Variants in UXS1 observed in about 807,000 individuals in gnomAD.
UXS1 encodes UDP-glucuronic acid decarboxylase 1.
Under a neutral mutation model 62.6 loss-of-function variants are expected in UXS1, and 33 were observed. The observed-to-expected ratio is 0.53, with a 90% confidence interval of 0.40 to 0.70. The LOEUF (loss-of-function observed/expected upper bound fraction) is 0.70. Among genes scored for constraint, UXS1 ranks in the 30% least tolerant of loss-of-function variants. The probability of loss-of-function intolerance (pLI) is 0.00; values close to 1 mark genes in which losing one functional copy is unlikely to be tolerated. For missense variants in UXS1, 434 were observed against 556.3 expected, an observed-to-expected ratio of 0.78 and a Z score of 2.21; for synonymous variants, 213 against 206.8, an observed-to-expected ratio of 1.03 and a Z score of -0.26.
intron 9 of UXS1, among the ~76,000 whole-genome samples, chr2:106,121,120 C>T (rs1308280275): frequency 6.6e-6 from 1 of 152,182 alleles, no homozygotes; most frequent in African/African-American, 2.4e-5. Flanking sequence ...GTGTGAAATG[C>T]AGATCCTGGC....
intron 11 of UXS1, chr2:106,102,366 G>A (rs1677665131): frequency 6.6e-6 from 1 of 152,102 alleles, no homozygotes; most frequent in South Asian, 2.1e-4. Context: ...CTGGGGGGTG[G>A]GGTTTATCTG....
intron 5 of UXS1, among the ~76,000 whole-genome samples, chr2:106,153,112 A>C (rs1682164102): frequency 6.6e-6 from 1 of 152,222 alleles, no homozygotes; most frequent in African/African-American, 2.4e-5. Context: ...TAGATCTATG[A>C]GAATAAAAAG....
intron 9 of UXS1, among the ~76,000 whole-genome samples, chr2:106,116,125 G>GGTC (rs1188230643): frequency 6.6e-6 from 1 of 152,200 alleles, no homozygotes; most frequent in Non-Finnish European, 1.5e-5. Flanking sequence ...ACAGGCAAGA[G>GGTC]GTGACCCAAG....
At chr2:106,114,291 T>A (rs1214655817) in intron 9 of UXS1, among the ~76,000 whole-genome samples, 2 of 152,212 alleles carry the variant, frequency 1.3e-5, no homozygotes, top group African/African-American at 4.8e-5. Context: ...TTCCTAGTAA[T>A]ACACTGTAAT....
chr2:106,144,211 T>C (rs974704580), intron 6 of UXS1, among the ~76,000 whole-genome samples: 3 of 152,222 alleles, frequency 2.0e-5, no homozygotes, highest in South Asian at 2.1e-4. Flanking sequence ...TAGCCTGTTA[T>C]ACTTTACAAA....
At chr2:106,112,816 C>A in intron 9 of UXS1, 51 bp from the exon 10 acceptor site, 2 of 1,579,374 alleles carry the variant, frequency 1.3e-6, no homozygotes, top group Non-Finnish European at 8.6e-7. Context: ...GTGGTCCACG[C>A]ATCCACTTTG....
intron 1 of UXS1, among the ~76,000 whole-genome samples, chr2:106,182,459 C>CCT (rs1684306157): frequency 6.6e-6 from 1 of 152,198 alleles, no homozygotes; most frequent in Non-Finnish European, 1.5e-5. Context: ...CATTGAGCAC[C>CCT]TTGTTTTCTC....
At chr2:106,162,445 T>C (rs373409744) in intron 4 of UXS1, among the ~76,000 whole-genome samples, 1 of 152,238 alleles carries the variant, frequency 6.6e-6, no homozygotes, top group East Asian at 1.9e-4. Flanking sequence ...AAATAAATTC[T>C]ATTGTCTAAA....
At chr2:106,169,551 G>T (rs1683412228) in intron 1 of UXS1, among the ~76,000 whole-genome samples, 1 of 152,158 alleles carries the variant, frequency 6.6e-6, no homozygotes, top group Admixed American at 6.5e-5. Context: ...GCCAGGGGTG[G>T]TGGCCTGTGC....
intron 1 of UXS1, among the ~76,000 whole-genome samples, chr2:106,172,620 G>A (rs1396146441): frequency 1.3e-5 from 2 of 151,832 alleles, no homozygotes; most frequent in Non-Finnish European, 2.9e-5. Flanking sequence ...CATCTCAACC[G>A]ATAAAATCTA....
intron 10 of UXS1, among the ~76,000 whole-genome samples, chr2:106,108,842 G>A (rs764807218): frequency 6.6e-6 from 1 of 152,122 alleles, no homozygotes; most frequent in African/African-American, 2.4e-5. Context: ...GCCAAACTTC[G>A]TTCAGCCTCG....
At chr2:106,138,243 T>C (rs989731429) in intron 6 of UXS1, 21 of 985,416 alleles carry the variant, frequency 2.1e-5, no homozygotes, top group African/African-American at 5.2e-5. Context: ...GACGTCAGTC[T>C]GTATGGGAAA....
In UXS1 at chr2:106,146,648, C is replaced by T. The variant is rs140512196; in HGVS notation, c.292-1278G>A. ...ACAAAAAATTAGCTGGGCGTGGTGG[C>T]ACACTCCTGTAATCCCAGCTAGTTG... On this transcript the variant is annotated intron_variant, in intron 5 of 14. Transcript: ENST00000283148. Among the ~76,000 whole-genome samples the T allele has an allele frequency of 3.9e-3, 597 of 151,722 alleles. 4 individuals carry two copies. The highest frequency in any genetic ancestry group is 0.013 in the African/African-American group (551 of 41,352).
intron 1 of UXS1, among the ~76,000 whole-genome samples, chr2:106,189,351 A>G (rs1222074121): frequency 2.0e-5 from 3 of 152,234 alleles, no homozygotes; most frequent in Non-Finnish European, 4.4e-5. Flanking sequence ...AGAGGCCTAC[A>G]ACAACCAAGA....
intron 1 of UXS1, among the ~76,000 whole-genome samples, chr2:106,184,890 G>A (rs1027092493): frequency 6.6e-6 from 1 of 152,120 alleles, no homozygotes; most frequent in African/African-American, 2.4e-5. Context: ...ACACCACAAA[G>A]CACATTTCAG....
chr2:106,180,660 A>G (rs1684185364), intron 1 of UXS1, among the ~76,000 whole-genome samples: 1 of 152,226 alleles, frequency 6.6e-6, no homozygotes, highest in African/African-American at 2.4e-5. Flanking sequence ...CAGCGTCACC[A>G]TTTAACAAGC....
chr2:106,093,541 A>G lies in UXS1; in HGVS notation c.*485T>C, dbSNP rs1007885047. On this transcript the variant is annotated 3_prime_UTR_variant, in exon 15 of 15. Transcript: ENST00000283148. Reference sequence around the variant, plus strand: ...AAAGAGAAACATAAAGCTCTCACACAGAATTCTTTTATCTGCCCTAAAATC... The same window carrying G: ...AAAGAGAAACATAAAGCTCTCACACGGAATTCTTTTATCTGCCCTAAAATC... 3.9e-5 allele frequency: 6 copies of G among 152,882 alleles called. No homozygotes were observed. Among genetic ancestry groups the G allele is most frequent in the Admixed American group, 3.9e-4 (6 of 15,298 alleles). 9.5% of individuals were successfully genotyped at this position (152,882 alleles called of 1,614,324 possible).
rs547892024 is a variant in UXS1, at chr2:106,128,691, G to A, written c.577+983C>T. On this transcript the variant is annotated intron_variant, in intron 7 of 14. Coordinates refer to ENST00000283148, the MANE Select transcript of UXS1 (RefSeq NM_001253875.2). ...GACTTCTTGACCTCCATAATCATGT[G>A]AGCCAATCTCTCGTAACAAATCTCT... Among the ~76,000 whole-genome samples the A allele has an allele frequency of 2.6e-5, 4 of 152,304 alleles. No individual in the cohort carries two copies. The East Asian group carries it at 7.7e-4, about 29-fold the overall frequency.
At chr2:106,129,955 G>A (rs533567197) in intron 6 of UXS1, among the ~76,000 whole-genome samples, 177 bp from the exon 7 acceptor site, 1 of 152,234 alleles carries the variant, frequency 6.6e-6, no homozygotes, top group Non-Finnish European at 1.5e-5. Context: ...AACAAAAATA[G>A]AAAGTCTAAT....
Sources: allele counts gnomAD v4.1 joint callset (sites outside exome capture counted in the v4.1 genomes callset), GRCh38; gene constraint gnomAD v4.1.1; transcripts MANE v1.5; gene names NCBI Gene and HGNC (gene_info 2026-07-23, HGNC 2026-07-21).